MYO3A: variants seen among roughly 807,000 people sequenced by gnomAD.
MYO3A encodes myosin-IIIa.
MYO3A carries 180 observed loss-of-function variants against 192.7 expected under a neutral mutation model. The ratio of observed to expected loss-of-function variants is 0.93; its 90% CI spans 0.83 to 1.06. The LOEUF (loss-of-function observed/expected upper bound fraction) is 1.06, where lower values mean the gene tolerates loss of function less well. Ranked by LOEUF, MYO3A falls within the 50% of genes least tolerant of loss-of-function variation. The probability of loss-of-function intolerance (pLI) is 0.00; values close to 1 mark genes in which losing one functional copy is unlikely to be tolerated. For missense variants in MYO3A, 1,896 were observed against 1,905.0 expected, an observed-to-expected ratio of 1.00 and a Z score of 0.09; for synonymous variants, 628 against 645.3, an observed-to-expected ratio of 0.97 and a Z score of 0.41.
chr10:26,183,766 G>T (rs989065760), intron 31 of MYO3A, among the ~76,000 whole-genome samples: 5 of 152,072 alleles, frequency 3.3e-5, no homozygotes, highest in Non-Finnish European at 5.9e-5. Flanking sequence ...CTCTTGAGAA[G>T]GTCAGAGAAG....
chr10:26,010,124 T>C (rs991240687), intron 6 of MYO3A, among the ~76,000 whole-genome samples: 3 of 152,188 alleles, frequency 2.0e-5, no homozygotes, highest in Non-Finnish European at 4.4e-5. Flanking sequence ...TTGAGATCTT[T>C]AAAGAAAGCC....
rs748648928 is a variant in MYO3A, at chr10:26,176,727, C to A, written c.4320C>A (p.Phe1440Leu). The change falls in exon 31 of 35, where the codon TTC (phenylalanine) becomes TTA (leucine). Residue 1440 changes from phenylalanine (F) to leucine (L), a missense_variant. Transcript: ENST00000642920. ...TATCAAAGTTATCTGAAGAATATTT[C>A]ATTCTGCAGAAAAAATTGAATGAAA... ...KQISKLSEEY[F>L]ILQKKLNEMI... The A allele has an allele frequency of 1.6e-5, 26 of 1,609,986 alleles. No individual in the cohort carries two copies. In the South Asian group the frequency reaches 2.7e-4, roughly 17 times the overall value.
intron 18 of MYO3A, among the ~76,000 whole-genome samples, chr10:26,122,718 TCTCCTTCTC>T (rs754616849): frequency 1.3e-5 from 2 of 151,938 alleles, no homozygotes; most frequent in Non-Finnish European, 2.9e-5. Context: ...TCCCCCTCCT[TCTCCTTCTC>T]CTCCTTCTCC....
intron 3 of MYO3A, among the ~76,000 whole-genome samples, chr10:25,952,913 G>A (rs180679054): frequency 4.1e-4 from 62 of 149,680 alleles, no homozygotes; most frequent in African/African-American, 1.4e-3. Context: ...TGTGATAAGC[G>A]AAACTGCCAA....
At chr10:26,211,101 C>T (rs1348710604) in intron 34 of MYO3A, among the ~76,000 whole-genome samples, 1 of 152,180 alleles carries the variant, frequency 6.6e-6, no homozygotes, top group Non-Finnish European at 1.5e-5. Context: ...CTATAAACTC[C>T]ATGACAGCAA....
intron 22 of MYO3A, 41 bp from the exon 23 acceptor site, chr10:26,147,389 A>G (rs993624083): frequency 1.3e-6 from 2 of 1,572,400 alleles, no homozygotes; most frequent in Middle Eastern, 1.7e-4. Flanking sequence ...GAGGATGACA[A>G]TGACATTGAT....
At chr10:25,950,281 A>G (rs1358190549) in intron 2 of MYO3A, among the ~76,000 whole-genome samples, 1 of 152,034 alleles carries the variant, frequency 6.6e-6, no homozygotes, top group African/African-American at 2.4e-5. Context: ...TCAGAATATT[A>G]AGGATTTATT....
chr10:26,016,993 A>G, intron 7 of MYO3A, 97 bp downstream of exon 7: 2 of 1,243,776 alleles, frequency 1.6e-6, no homozygotes, highest in Non-Finnish European at 2.4e-6. Flanking sequence ...TTGGAATATA[A>G]CAGAAGAAAC....
chr10:25,947,389 C>CTTTTTTTTTTTTTTT (rs869281200), intron 2 of MYO3A, among the ~76,000 whole-genome samples: 3 of 91,866 alleles, frequency 3.3e-5, no homozygotes, highest in African/African-American at 4.2e-5. Context: ...TTTTCTTTTT[C>CTTTTTTTTTTTTTTT]TTTTTTTTTT....
chr10:26,189,582 A>G (rs75174894), intron 31 of MYO3A, among the ~76,000 whole-genome samples: 4,324 of 152,322 alleles, frequency 0.028, 193 homozygotes, highest in African/African-American at 0.098. Context: ...ATCGTCTCTC[A>G]GGGCTTCAGT....
chr10:26,084,727 C>T (rs902310057), intron 14 of MYO3A, among the ~76,000 whole-genome samples: 5 of 152,314 alleles, frequency 3.3e-5, no homozygotes, highest in African/African-American at 1.2e-4. Context: ...TGGTCTCAAA[C>T]TCCTGGCTTC....
intron 4 of MYO3A, among the ~76,000 whole-genome samples, chr10:25,964,754 T>A (rs1488894479): frequency 6.6e-6 from 1 of 152,222 alleles, no homozygotes; most frequent in Non-Finnish European, 1.5e-5. Context: ...ACTGAAGAAC[T>A]CCCTTTAGCA....
At chr10:26,036,511 A>C (rs544241686) in intron 10 of MYO3A, among the ~76,000 whole-genome samples, 1 of 152,312 alleles carries the variant, frequency 6.6e-6, no homozygotes, top group South Asian at 2.1e-4. Context: ...CATTCAGTGA[A>C]AAAAAGGCCT....
intron 6 of MYO3A, among the ~76,000 whole-genome samples, chr10:26,013,530 T>C (rs899085946): frequency 6.6e-6 from 1 of 152,046 alleles, no homozygotes; most frequent in Non-Finnish European, 1.5e-5. Context: ...ACATCATTAA[T>C]CATCAGGGAA....
chr10:26,080,796 G>A (rs912628628), intron 14 of MYO3A, among the ~76,000 whole-genome samples: 1 of 152,134 alleles, frequency 6.6e-6, no homozygotes, highest in Non-Finnish European at 1.5e-5. Flanking sequence ...CTTCCTGTGA[G>A]CTGAACTGCA....
At chr10:26,014,260 A>G (rs570754292) in intron 6 of MYO3A, among the ~76,000 whole-genome samples, 1 of 152,104 alleles carries the variant, frequency 6.6e-6, no homozygotes, top group Non-Finnish European at 1.5e-5. Context: ...ACACATGTAC[A>G]TCAAAAGTTA....
chr10:26,125,022 G>A (rs1839130180), intron 18 of MYO3A, among the ~76,000 whole-genome samples: 1 of 152,106 alleles, frequency 6.6e-6, no homozygotes, highest in Admixed American at 6.5e-5. Context: ...TTGAAAATAT[G>A]TATATAATAA....
chr10:25,978,348 C>T (rs558011643), intron 4 of MYO3A, among the ~76,000 whole-genome samples: 1 of 152,300 alleles, frequency 6.6e-6, no homozygotes, highest in African/African-American at 2.4e-5. Flanking sequence ...GGGGAAGCCT[C>T]ACAAACATGG....
intron 31 of MYO3A, among the ~76,000 whole-genome samples, chr10:26,189,366 A>G (rs1047903084): frequency 3.3e-5 from 5 of 152,192 alleles, no homozygotes; most frequent in African/African-American, 1.2e-4. Context: ...AGGTGACACA[A>G]TTCAGCCTGT....
Sources: allele counts gnomAD v4.1 joint callset (sites outside exome capture counted in the v4.1 genomes callset), GRCh38; gene constraint gnomAD v4.1.1; transcripts MANE v1.5; gene names NCBI Gene and HGNC (gene_info 2026-07-23, HGNC 2026-07-21).